The following SIAH3 variants were observed in gnomAD, a reference collection of about 807,000 sequenced individuals.
SIAH3 encodes the protein seven in absentia homolog 3.
A neutral mutation model predicts 12.6 loss-of-function variants in SIAH3; 9 were observed. The ratio of observed to expected loss-of-function variants is 0.72; its 90% confidence interval spans 0.43 to 1.25. The LOEUF (loss-of-function observed/expected upper bound fraction) is 1.25, where lower values mean the gene tolerates loss of function less well. Ranked by LOEUF, SIAH3 falls within the 50% of genes most tolerant of loss-of-function variation. The pLI is 0.00. For synonymous variants in SIAH3, 154 were observed against 151.1 expected (o/e 1.02, Z -0.14); for missense variants, 390 against 365.4 (o/e 1.07, Z -0.55).
At chr13:45,786,271 G>A (rs368094730) in intron 1 of SIAH3, among the ~76,000 whole-genome samples, 93 of 152,292 alleles carry the variant, frequency 6.1e-4, no homozygotes, top group South Asian at 5.6e-3. Flanking sequence ...CCAGTCTTGG[G>A]CTCTCATGAA....
At chr13:45,823,587 A>G (rs1950663871) in intron 1 of SIAH3, among the ~76,000 whole-genome samples, 1 of 152,204 alleles carries the variant, frequency 6.6e-6, no homozygotes, top group Non-Finnish European at 1.5e-5. Flanking sequence ...TCTCAGCCCT[A>G]GAGAACTCCA....
intron 1 of SIAH3, among the ~76,000 whole-genome samples, chr13:45,813,696 G>A (rs1950624045): frequency 6.6e-6 from 1 of 152,184 alleles, no homozygotes; most frequent in African/African-American, 2.4e-5. Context: ...GCCCTGGGAG[G>A]TCTGGTGTCT....
chr13:45,802,076 G>A (rs1950584269), intron 1 of SIAH3, among the ~76,000 whole-genome samples: 1 of 152,150 alleles, frequency 6.6e-6, no homozygotes, highest in Non-Finnish European at 1.5e-5. Context: ...GGAGGCTGAA[G>A]CGGTGGATCA....
In SIAH3 at chr13:45,779,785, T is replaced by C. The variant is rs1950496983; in HGVS notation, c.*3598A>G. On this transcript the variant is annotated 3_prime_UTR_variant, in exon 2 of 2. Transcript: ENST00000400405. ...GCCATGAGTACTATTATGGTTACTA[T>C]GCTGATCTATTCCTAAAATGTCCAG... 6.6e-6 allele frequency: 1 copy of C among 152,246 alleles called. No individual in the cohort carries two copies. The highest frequency in any genetic ancestry group is 1.5e-5 in the Non-Finnish European group (1 of 68,058). The allele number at this position is 152,246 out of a possible 1,614,324, so 9.4% of individuals were successfully genotyped here. A position where few individuals can be genotyped will look rare whatever the true frequency, so the allele number is the denominator to read the frequency against.
chr13:45,825,212 T>G (rs1950669782), intron 1 of SIAH3, among the ~76,000 whole-genome samples: 1 of 152,184 alleles, frequency 6.6e-6, no homozygotes. Flanking sequence ...TTCCTCTAAG[T>G]GCTAATAATT....
At chr13:45,793,401 C>A (rs1383871179) in intron 1 of SIAH3, among the ~76,000 whole-genome samples, 3 of 152,180 alleles carry the variant, frequency 2.0e-5, no homozygotes, top group African/African-American at 4.8e-5. Context: ...TTTCTATCCC[C>A]AGATTAAGTT....
Position 45,779,670 on chromosome 13 carries a change from C to A in SIAH3, c.*3713G>T, listed in dbSNP as rs1016319662. On this transcript the variant is annotated 3_prime_UTR_variant, in exon 2 of 2. Transcript: ENST00000400405. ...ACATGAATACAATAAAGAGCACCTG[C>A]TTGCTAAGGTTGTTATGGGGATTAC... 1 of 152,144 alleles carries A rather than the reference C, an allele frequency of 6.6e-6. No individual in the cohort carries two copies. The highest frequency in any genetic ancestry group is 1.5e-5 in the Non-Finnish European group (1 of 68,028). 9.4% of individuals were successfully genotyped at this position (152,144 alleles called of 1,614,324 possible).
chr13:45,785,573 T>G (rs1950525345), intron 1 of SIAH3, among the ~76,000 whole-genome samples: 2 of 152,340 alleles, frequency 1.3e-5, no homozygotes, highest in South Asian at 4.1e-4. Context: ...TACACATGCA[T>G]GCATACACAC....
chr13:45,784,600 G>A (rs1233034389), intron 1 of SIAH3, among the ~76,000 whole-genome samples: 1 of 147,644 alleles, frequency 6.8e-6, no homozygotes, highest in African/African-American at 2.4e-5. Flanking sequence ...AAGGCATCTG[G>A]TGGGATGCAG....
chr13:45,804,475 C>T (rs566939133), intron 1 of SIAH3, among the ~76,000 whole-genome samples: 42 of 152,178 alleles, frequency 2.8e-4, no homozygotes, highest in Admixed American at 9.8e-4. Flanking sequence ...GTGTTGAAAA[C>T]ATTCTAAAAT....
rs55772614 is a variant in SIAH3 at position 45,843,034 on chromosome 13, C to CTGTGTGTGTGTGTGTGTGTG, written c.135+8441_135+8460dup. On this transcript the variant is annotated intron_variant, in intron 1 of 1. Coordinates refer to ENST00000400405, the MANE Select transcript of SIAH3 (RefSeq NM_198849.3). ...TGCCATTATTTCTCTCTCTCTCTCT[C>CTGTGTGTGTGTGTGTGTGTG]TGTGTGTGTGTGTGTGTGTGTGTGT... Among the ~76,000 whole-genome samples, 732 of 139,254 alleles carry CTGTGTGTGTGTGTGTGTGTG rather than the reference C, an allele frequency of 5.3e-3. 8 individuals are homozygous for CTGTGTGTGTGTGTGTGTGTG. Among genetic ancestry groups the CTGTGTGTGTGTGTGTGTGTG allele is most frequent in the East Asian group, 8.2e-3 (35 of 4,282 alleles). 91.4% of individuals were successfully genotyped at this position (139,254 alleles called of 152,430 possible).
intron 1 of SIAH3, among the ~76,000 whole-genome samples, chr13:45,849,583 A>T (rs1302068943): frequency 6.6e-6 from 1 of 152,202 alleles, no homozygotes; most frequent in Non-Finnish European, 1.5e-5. Flanking sequence ...AAAGAGGTGG[A>T]GGAGGAGTTC....
In SIAH3 at chr13:45,778,624, C is replaced by T. The variant is rs1950492741; in HGVS notation, c.*4759G>A. The T allele has an allele frequency of 6.6e-6, 1 of 152,184 alleles. No individual in the cohort carries two copies. Among genetic ancestry groups the T allele is most frequent in the Admixed American group, 6.5e-5 (1 of 15,284 alleles). The allele number at this position is 152,184 out of a possible 1,614,324, so 9.4% of individuals were successfully genotyped here. A position where few individuals can be genotyped will look rare whatever the true frequency, so the allele number is the denominator to read the frequency against. Reference sequence around the variant, plus strand: ...GGCCTTGCTTCTCCTTCCAAAGTCCCCTCTCCCACCCTGCTGTGCTCATCA... The same window carrying T: ...GGCCTTGCTTCTCCTTCCAAAGTCCTCTCTCCCACCCTGCTGTGCTCATCA... On this transcript the variant is annotated 3_prime_UTR_variant, in exon 2 of 2. Coordinates refer to ENST00000400405, the MANE Select transcript of SIAH3 (RefSeq NM_198849.3).
rs1045078854 is a variant in SIAH3, at chr13:45,836,621, G to T, written c.135+14874C>A. Among the ~76,000 whole-genome samples, 6 of 152,306 alleles carry T rather than the reference G, an allele frequency of 3.9e-5. No homozygotes were observed. The Middle Eastern group carries it at 0.01, about 259-fold the overall frequency. ...GAGAACAACAACACTGGGCACCTGT[G>T]AGGGGATGGGGAGAGGGAGAGCATC... On this transcript the variant is annotated intron_variant, in intron 1 of 1. Transcript: ENST00000400405.
intron 1 of SIAH3, 120 bp downstream of exon 1, chr13:45,851,375 T>G (rs1950781080): frequency 2.9e-6 from 4 of 1,358,116 alleles, no homozygotes; most frequent in Non-Finnish European, 4.1e-6. Flanking sequence ...CCAGACACCG[T>G]CCCAGCCCCC....
At chr13:45,815,592 A>T (rs1950631706) in intron 1 of SIAH3, among the ~76,000 whole-genome samples, 1 of 152,180 alleles carries the variant, frequency 6.6e-6, no homozygotes, top group Non-Finnish European at 1.5e-5. Context: ...TGGTCTCCGG[A>T]GAACCATGAC....
intron 1 of SIAH3, among the ~76,000 whole-genome samples, chr13:45,805,125 C>T (rs570992825): frequency 1.3e-5 from 2 of 151,404 alleles, no homozygotes; most frequent in African/African-American, 4.8e-5. Flanking sequence ...CTTCCTATGC[C>T]CAATATTGTC....
chr13:45,848,835 G>A (rs1367456202), intron 1 of SIAH3, among the ~76,000 whole-genome samples: 1 of 152,204 alleles, frequency 6.6e-6, no homozygotes, highest in Non-Finnish European at 1.5e-5. Context: ...ATGTGGGGAA[G>A]CACGGCAGAT....
At chr13:45,811,579 C>CA (rs1235663229) in intron 1 of SIAH3, among the ~76,000 whole-genome samples, 2 of 152,282 alleles carry the variant, frequency 1.3e-5, no homozygotes, top group Non-Finnish European at 2.9e-5. Context: ...CCTCCATCCT[C>CA]AACCTCCCAA....
Sources: allele counts gnomAD v4.1 joint callset (sites outside exome capture counted in the v4.1 genomes callset), GRCh38; gene constraint gnomAD v4.1.1; transcripts MANE v1.5; gene names NCBI Gene and HGNC (gene_info 2026-07-23, HGNC 2026-07-21).